The following SYBU variants were observed in gnomAD, a reference collection of about 807,000 sequenced individuals.
The protein encoded by SYBU is GOLSYN A protein.
Under a neutral mutation model 35.9 loss-of-function variants are expected in SYBU, and 21 were observed. The observed-to-expected ratio is 0.58, with a 90% CI of 0.41 to 0.84. The LOEUF is 0.84. SYBU is among the 40% of genes least tolerant of loss of function. The pLI is 0.00. For synonymous variants in SYBU, 319 were observed against 324.3 expected (o/e 0.98, Z 0.18); for missense variants, 768 against 848.2 (o/e 0.91, Z 1.17).
intron 1 of SYBU, among the ~76,000 whole-genome samples, chr8:109,654,551 CTT>C (rs1219192806): frequency 6.6e-6 from 1 of 152,202 alleles, no homozygotes; most frequent in Non-Finnish European, 1.5e-5. Context: ...ATCCTTCCCT[CTT>C]GGGGCAATAT....
chr8:109,642,940 T>C lies in SYBU; in HGVS notation c.25-8A>G, dbSNP rs1472231156. 4 of 1,461,488 alleles carry C rather than the reference T, an allele frequency of 2.7e-6. No individual in the cohort carries two copies. Among genetic ancestry groups the C allele is most frequent in the African/African-American group, 1.4e-5 (1 of 69,102 alleles). 90.5% of individuals were successfully genotyped at this position (1,461,488 alleles called of 1,614,324 possible). On this transcript the variant is annotated splice_region_variant and splice_polypyrimidine_tract_variant and intron_variant, in intron 1 of 6. Coordinates refer to ENST00000276646, the MANE Select transcript of SYBU (RefSeq NM_001099754.2). ...CTGCACTCTGTGCTCCTTCTCAAAATTGGACATCAAAAAAGAAAACAAAAG... is the reference window on the plus strand; with the variant it reads ...CTGCACTCTGTGCTCCTTCTCAAAACTGGACATCAAAAAAGAAAACAAAAG...
At chr8:109,655,172 C>T (rs1816304207) in intron 1 of SYBU, among the ~76,000 whole-genome samples, 1 of 152,200 alleles carries the variant, frequency 6.6e-6, no homozygotes, top group South Asian at 2.1e-4. Context: ...TTCCCTCTAC[C>T]TTGAACACAC....
rs372495207 is a variant in SYBU at position 109,691,487 on chromosome 8, G to T, written c.-212C>A. ...AGGCCCGGGGAGCCGGGCCCGGCCC[G>T]CTCCGCCCGCCTTAGCCCGGCTTGG... is the stretch of plus-strand genomic sequence containing the variant. On this transcript the variant is annotated 5_prime_UTR_variant, in exon 1 of 8. Transcript: ENST00000422135. The surrounding 1 kb of genome is among the most constrained non-coding windows in gnomAD (Gnocchi z 4.7). 5.7e-6 allele frequency: 3 copies of T among 529,148 alleles called. No individual in the cohort carries two copies. Among genetic ancestry groups the T allele is most frequent in the Non-Finnish European group, 9.8e-6 (3 of 307,338 alleles). The allele number at this position is 529,148 out of a possible 1,614,324, so 32.8% of individuals were successfully genotyped here.
At chr8:109,686,840 T>A (rs1294876085) in intron 1 of SYBU, among the ~76,000 whole-genome samples, 1 of 152,318 alleles carries the variant, frequency 6.6e-6, no homozygotes, top group East Asian at 1.9e-4. Context: ...TTCAGAGAAA[T>A]AGATAATTTC....
rs188837388 is a variant in SYBU at position 109,670,602 on chromosome 8, T to C, written c.-129+10109A>G. ...TAAGGCTATTGTGTAATAATTTATG[T>C]TTTTGTGAATACTACTGAATGAAGA... On this transcript the variant is annotated intron_variant, in intron 1 of 5. Coordinates refer to the SYBU transcript ENST00000408889. 3.5e-3 allele frequency among the ~76,000 whole-genome samples: 531 copies of C among 152,278 alleles called. 9 individuals are homozygous for C. The highest frequency in any genetic ancestry group is 6.2e-3 in the East Asian group (32 of 5,194).
intron 1 of SYBU, among the ~76,000 whole-genome samples, chr8:109,671,935 C>T (rs1004205667): frequency 6.6e-6 from 1 of 152,012 alleles, no homozygotes; most frequent in Non-Finnish European, 1.5e-5. Flanking sequence ...GAGTTTCGCT[C>T]TTGTTGCCCA....
intron 3 of SYBU, among the ~76,000 whole-genome samples, chr8:109,598,332 A>C (rs1032992137): frequency 6.6e-6 from 1 of 152,208 alleles, no homozygotes; most frequent in Non-Finnish European, 1.5e-5. Context: ...AGTGGTACTA[A>C]CCATGCTGCA....
At chr8:109,633,122 ATAAGTTTTTGTTACT>A (rs1474544782) in intron 2 of SYBU, among the ~76,000 whole-genome samples, 9 of 152,240 alleles carry the variant, frequency 5.9e-5, no homozygotes, top group Non-Finnish European at 1.0e-4. Context: ...TTTATAACAG[ATAAGTTTTTGTTACT>A]TCTGAATTTA....
chr8:109,687,063 A>G (rs1240938852), intron 1 of SYBU, among the ~76,000 whole-genome samples: 2 of 152,214 alleles, frequency 1.3e-5, no homozygotes, highest in East Asian at 3.8e-4. Context: ...TCCCAAGAAC[A>G]TTTGATATGG....
At chr8:109,607,805 A>AACACACACACACAC (rs1157913419) in intron 3 of SYBU, 12 of 332,364 alleles carry the variant, frequency 3.6e-5, no homozygotes, top group Non-Finnish European at 4.8e-5. Flanking sequence ...TACCACAACT[A>AACACACACACACAC]ACTCACACAC....
intron 1 of SYBU, among the ~76,000 whole-genome samples, chr8:109,670,091 T>C (rs1254916387): frequency 6.6e-6 from 1 of 152,036 alleles, no homozygotes; most frequent in Non-Finnish European, 1.5e-5. Context: ...GGTAACAGAA[T>C]TATGAGCAGA....
upstream of SYBU, among the ~76,000 whole-genome samples, chr8:109,683,644 T>C (rs1817455441): frequency 6.6e-6 from 1 of 151,996 alleles, no homozygotes; most frequent in Non-Finnish European, 1.5e-5. Context: ...AAAGGCATGA[T>C]TGTGTTTTGA....
intron 2 of SYBU, among the ~76,000 whole-genome samples, chr8:109,635,078 A>G (rs1026709180): frequency 1.3e-5 from 2 of 152,208 alleles, no homozygotes; most frequent in Non-Finnish European, 2.9e-5. Flanking sequence ...AACCCTTTAA[A>G]AAAGTTGTCT....
upstream of SYBU, chr8:109,647,084 A>T (rs916521765): frequency 6.6e-6 from 1 of 152,190 alleles, no homozygotes; most frequent in Admixed American, 6.5e-5. Flanking sequence ...AAAACTCATT[A>T]ATGATTTCCT....
chr8:109,666,761 G>A (rs1180555771), intron 1 of SYBU, among the ~76,000 whole-genome samples: 2 of 151,826 alleles, frequency 1.3e-5, no homozygotes, highest in Non-Finnish European at 2.9e-5. Flanking sequence ...AAAGAGATCT[G>A]GAAAATATAT....
chr8:109,687,032 C>T (rs17464838), intron 1 of SYBU, among the ~76,000 whole-genome samples: 13,670 of 152,000 alleles, frequency 0.09, 692 homozygotes, highest in East Asian at 0.12. Context: ...ATGCAAAAAA[C>T]GGAAAAATCT....
chr8:109,578,437 T>A (rs1822614322), intron 5 of SYBU, among the ~76,000 whole-genome samples: 1 of 152,220 alleles, frequency 6.6e-6, no homozygotes, highest in Non-Finnish European at 1.5e-5. Flanking sequence ...GCCACCCACA[T>A]TGACCCAGAC....
rs77001761 is a variant in SYBU, at chr8:109,669,066, G to C, written c.-129+11645C>G. ...ACTTTAAAAAGCAACTGATCGGCTG[G>C]GCGTGGTGGCTCACACCTGTAATCC... is the stretch of plus-strand genomic sequence containing the variant. On this transcript the variant is annotated intron_variant, in intron 1 of 5. Coordinates refer to the SYBU transcript ENST00000408889. 3.9e-4 allele frequency among the ~76,000 whole-genome samples: 60 copies of C among 152,240 alleles called. No homozygotes were observed. In the East Asian group the frequency reaches 9.1e-3, roughly 23 times the overall value.
At chr8:109,667,726 C>T (rs940764265) in intron 1 of SYBU, among the ~76,000 whole-genome samples, 8 of 152,302 alleles carry the variant, frequency 5.3e-5, no homozygotes, top group Admixed American at 2.0e-4. Flanking sequence ...CTCCTGGTCT[C>T]AAGCAATCCT....
Sources: gnomAD v4.1 joint callset for allele counts (sites outside exome capture counted in the v4.1 genomes callset) on GRCh38, gnomAD v4.1.1 for gene constraint, Gnocchi (gnomAD v3.1) non-coding constraint, MANE v1.5 for transcripts, NCBI Gene and HGNC (gene_info 2026-07-23, HGNC 2026-07-21) for gene names.